Variants in NPIPB6 observed in about 807,000 individuals in gnomAD.
NPIPB6 encodes nuclear pore complex-interacting protein family member B6.
Under a neutral mutation model 20.0 loss-of-function variants are expected in NPIPB6, and 2 were observed. The ratio of observed to expected loss-of-function variants is 0.10; its 90% confidence interval spans 0.04 to 0.31. The LOEUF (loss-of-function observed/expected upper bound fraction) is 0.31. NPIPB6 is among the 10% of genes least tolerant of loss of function. The probability of loss-of-function intolerance (pLI) is 1.00; values close to 1 mark genes in which losing one functional copy is unlikely to be tolerated. For missense variants in NPIPB6, 96 were observed against 293.7 expected, an observed-to-expected ratio of 0.33 and a Z score of 4.92; for synonymous variants, 35 against 116.3, an observed-to-expected ratio of 0.30 and a Z score of 4.50.
At chr16:28,342,534 T>A, downstream of NPIPB6, 2 of 954,482 alleles carry the variant, frequency 2.1e-6, no homozygotes, top group Non-Finnish European at 3.1e-6. Context: ...TTATATTATT[T>A]ATTTATTCTT....
rs1244009815 is a variant in NPIPB6 at position 28,346,213 on chromosome 16, C to T, written c.600-1460G>A. ...GGGGTCAATCTTGTGCTTGACACAG[C>T]GAAAGATCATTTTAGTTCAGTGTGA... On this transcript the variant is annotated intron_variant, in intron 4 of 6. Transcript: ENST00000532254. The T allele has an allele frequency of 4.9e-5, 40 of 811,608 alleles. 9 individuals are homozygous for T. The highest frequency in any genetic ancestry group is 3.6e-4 in the South Asian group (7 of 19,470). 50.3% of individuals were successfully genotyped at this position (811,608 alleles called of 1,614,324 possible).
rs376468731 is a variant in NPIPB6, at chr16:28,342,770, G to A, written c.1115C>T (p.Pro372Leu). The A allele has an allele frequency of 1.3e-4, 211 of 1,598,478 alleles. 5 individuals carry two copies. In the East Asian group the frequency reaches 1.7e-3, roughly 13 times the overall value. Residue 372 changes from proline to leucine, a missense_variant, in exon 7 of 7, where the codon CCG (proline) becomes CTG (leucine). By Grantham distance (98) the Pro-to-Leu change is moderately conservative. This residue lies in a region of NPIPB6 where 81 missense variants were observed against 190.9 expected (regional missense o/e 0.42). Transcript: ENST00000532254. ...ATCCACCCTCCGCCTCTTGGGTTTC[G>A]GTGATTGTTCCACCTCATCCACCCT...
chr16:28,356,844 A>G, intron 1 of NPIPB6: 1 of 65,518 alleles, frequency 1.5e-5, no homozygotes, highest in African/African-American at 6.2e-5. Flanking sequence ...GAGGTGGAGG[A>G]GGGGGAGGAG....
intron 1 of NPIPB6, among the ~76,000 whole-genome samples, chr16:28,361,766 G>GTA (rs1555462829): frequency 3.7e-3 from 200 of 54,056 alleles, no homozygotes; most frequent in Middle Eastern, 8.2e-3. Flanking sequence ...GTGTGTGTGT[G>GTA]TGTATGTGTG....
intron 1 of NPIPB6, among the ~76,000 whole-genome samples, chr16:28,361,591 G>GGCA (rs1555462769): frequency 2.8e-5 from 4 of 144,912 alleles, no homozygotes; most frequent in Admixed American, 1.4e-4. Flanking sequence ...GCATGATGGT[G>GGCA]CACACCTGTA....
At chr16:28,348,074 C>T (rs2045127872) in intron 4 of NPIPB6, among the ~76,000 whole-genome samples, 1 of 112,824 alleles carries the variant, frequency 8.9e-6, no homozygotes, top group Non-Finnish European at 2.0e-5. Flanking sequence ...CATGCCACTG[C>T]ACTCTAGCCT....
chr16:28,342,879 G>C, exon 7 of NPIPB6: 1 of 1,569,090 alleles, frequency 6.4e-7, no homozygotes. Context: ...TCCACTGAGG[G>C]TGGAAGAGGA....
chr16:28,362,389 T>TGC (rs1177579483), intron 1 of NPIPB6, among the ~76,000 whole-genome samples: 2 of 151,514 alleles, frequency 1.3e-5, no homozygotes, highest in Non-Finnish European at 2.9e-5. Context: ...TGAGTCACCA[T>TGC]GCCCAGCCTA....
chr16:28,345,459 TACA>T (rs1178585907), intron 4 of NPIPB6, among the ~76,000 whole-genome samples: 2 of 81,776 alleles, frequency 2.4e-5, no homozygotes, highest in Non-Finnish European at 5.2e-5. Flanking sequence ...TGGTTGATCC[TACA>T]ACAACACACT....
chr16:28,350,487 G>A (rs1339795506), intron 2 of NPIPB6, among the ~76,000 whole-genome samples: 3 of 92,190 alleles, frequency 3.3e-5, no homozygotes, highest in African/African-American at 1.1e-4. Flanking sequence ...TGAACTTAAC[G>A]CAAAACATTC....
rs868552995 is a variant in NPIPB6, at chr16:28,349,547, T to A, written c.304-306A>T. On this transcript the variant is annotated intron_variant, in intron 2 of 6. Transcript: ENST00000532254. ...GCCTGAGCGACAGAATGAGACTCTG[T>A]CACACACACACACACACACACACAC... Among the ~76,000 whole-genome samples, 553 of 57,646 alleles carry A rather than the reference T, an allele frequency of 9.6e-3. 30 individuals carry two copies. In the East Asian group the frequency reaches 0.16, roughly 17 times the overall value. The allele number at this position is 57,646 out of a possible 152,430, so 37.8% of individuals were successfully genotyped here. A position where few individuals can be genotyped will look rare whatever the true frequency, so the allele number is the denominator to read the frequency against.
intron 1 of NPIPB6, among the ~76,000 whole-genome samples, chr16:28,362,102 AT>A (rs765651989): frequency 0.38 from 49,506 of 131,278 alleles, 8,625 homozygotes; most frequent in Admixed American, 0.44. Context: ...TTGCAGGATA[AT>A]TTTTTTTTTT....
intron 4 of NPIPB6, among the ~76,000 whole-genome samples, chr16:28,347,802 CCT>C (rs1243355866): frequency 2.3e-4 from 22 of 97,644 alleles, no homozygotes; most frequent in Non-Finnish European, 4.0e-4. Context: ...ATGGTGAACC[CCT>C]GTCTCTACTA....
intron 1 of NPIPB6, among the ~76,000 whole-genome samples, chr16:28,362,345 G>A (rs1249500674): frequency 1.3e-5 from 2 of 149,732 alleles, no homozygotes; most frequent in Non-Finnish European, 3.0e-5. Flanking sequence ...TGATCCACCA[G>A]CCTCAGCCTC....
chr16:28,360,458 C>A (rs1169895422), intron 1 of NPIPB6, among the ~76,000 whole-genome samples: 1 of 130,518 alleles, frequency 7.7e-6, no homozygotes, highest in Non-Finnish European at 1.7e-5. Flanking sequence ...TACTCTGTTT[C>A]ATCATGCTGG....
chr16:28,349,778 G>A (rs1245789242), intron 2 of NPIPB6, among the ~76,000 whole-genome samples: 1 of 106,204 alleles, frequency 9.4e-6, no homozygotes, highest in South Asian at 2.9e-4. Context: ...GTCCCAGCTA[G>A]TCAGGAGGCT....
chr16:28,355,379 C>T (rs1448712368), intron 1 of NPIPB6, among the ~76,000 whole-genome samples: 69 of 138,066 alleles, frequency 5.0e-4, no homozygotes, highest in South Asian at 2.7e-3. Context: ...TCTGTATACG[C>T]GAAATTCCAG....
At position 28,348,636 on chromosome 16, in the gene NPIPB6, G is replaced by GA. The variant is rs2045146409; in HGVS notation, c.599+197dup. Among the ~76,000 whole-genome samples, 2 of 105,998 alleles carry GA rather than the reference G, an allele frequency of 1.9e-5. 1 individual carries two copies. The highest frequency in any genetic ancestry group is 4.1e-5 in the Non-Finnish European group (2 of 48,874). The allele number at this position is 105,998 out of a possible 152,430, so 69.5% of individuals were successfully genotyped here. On this transcript the variant is annotated intron_variant, in intron 4 of 6. Coordinates refer to ENST00000532254, the Ensembl canonical transcript of NPIPB6. ...CAGTACTAGCAACTCCTCTTCCCCC[G>GA]AAAAAATTACAAACAAGAATGTAGG...
In NPIPB6 at chr16:28,349,546, GTCACAC is replaced by G. The variant is rs1251133691; in HGVS notation, c.304-311_304-306del. The stretch of plus-strand genomic sequence containing the variant: ...AGCCTGAGCGACAGAATGAGACTCT[GTCACAC>G]ACACACACACACACACACACACACA... On this transcript the variant is annotated intron_variant, in intron 2 of 6. Coordinates refer to ENST00000532254, the Ensembl canonical transcript of NPIPB6. Among the ~76,000 whole-genome samples the G allele has an allele frequency of 1.8e-4, 15 of 82,112 alleles. 2 individuals carry two copies. The East Asian group carries it at 2.5e-3, about 14-fold the overall frequency. The allele number at this position is 82,112 out of a possible 152,430, so 53.9% of individuals were successfully genotyped here. A position where few individuals can be genotyped will look rare whatever the true frequency, so the allele number is the denominator to read the frequency against.
Sources: allele counts gnomAD v4.1 joint callset (sites outside exome capture counted in the v4.1 genomes callset), GRCh38; gene constraint gnomAD v4.1.1; regional missense constraint gnomAD v4.1.1; transcripts MANE v1.5; gene names NCBI Gene and HGNC (gene_info 2026-07-23, HGNC 2026-07-21).